UNC13C: variants seen among roughly 807,000 people sequenced by gnomAD.
UNC13C encodes protein unc-13 homolog C.
In UNC13C, 174 loss-of-function variants were observed where a neutral mutation model predicts 245.4. The ratio of observed to expected loss-of-function variants is 0.71; its 90% confidence interval spans 0.63 to 0.80. The LOEUF is 0.80. UNC13C is among the 30% of genes least tolerant of loss of function. The probability of loss-of-function intolerance (pLI) is 0.00; values close to 1 mark genes in which losing one functional copy is unlikely to be tolerated. For synonymous variants in UNC13C, 992 were observed against 895.1 expected, an observed-to-expected ratio of 1.11 and a Z score of -1.93; for missense variants, 2,829 against 2,602.9, an observed-to-expected ratio of 1.09 and a Z score of -1.89.
chr15:54,210,107 A>AATACTC (rs1286625984), intron 4 of UNC13C, among the ~76,000 whole-genome samples: 5 of 151,596 alleles, frequency 3.3e-5, no homozygotes, highest in African/African-American at 1.2e-4. Context: ...AGTTACAAAG[A>AATACTC]ATACTCATGA....
At chr15:54,552,599 A>T (rs1896834951) in intron 28 of UNC13C, among the ~76,000 whole-genome samples, 2 of 68,920 alleles carry the variant, frequency 2.9e-5, no homozygotes, top group African/African-American at 6.6e-5. Flanking sequence ...TACAATATAT[A>T]ATATATAATT....
At chr15:54,093,595 T>C (rs182393914) in intron 2 of UNC13C, among the ~76,000 whole-genome samples, 4 of 152,240 alleles carry the variant, frequency 2.6e-5, no homozygotes, top group African/African-American at 9.6e-5. Flanking sequence ...AATTACCAAA[T>C]GCACGTGGGT....
At chr15:54,171,450 A>G (rs553490009) in intron 4 of UNC13C, among the ~76,000 whole-genome samples, 34 of 152,312 alleles carry the variant, frequency 2.2e-4, no homozygotes, top group African/African-American at 7.7e-4. Flanking sequence ...AAATATCTGA[A>G]TAGACATCTC....
At chr15:54,530,473 C>T (rs771002431) in intron 25 of UNC13C, among the ~76,000 whole-genome samples, 1 of 152,190 alleles carries the variant, frequency 6.6e-6, no homozygotes, top group Non-Finnish European at 1.5e-5. Flanking sequence ...AACAAAATTC[C>T]TGCTCTCATG....
downstream of UNC13C, chr15:54,631,753 C>T (rs997268062): frequency 1.3e-5 from 2 of 152,186 alleles, no homozygotes; most frequent in Admixed American, 6.5e-5. Context: ...CCACTTACTA[C>T]ACTTACCTTG....
At chr15:54,258,761 TATCTC>T (rs1423673151) in intron 8 of UNC13C, among the ~76,000 whole-genome samples, 1 of 152,336 alleles carries the variant, frequency 6.6e-6, no homozygotes, top group Non-Finnish European at 1.5e-5. Flanking sequence ...CTATATGTGT[TATCTC>T]ATTGAATCCT....
chr15:53,940,082 T>C, the UNC13C span, among the ~76,000 whole-genome samples: 13 of 152,132 alleles, frequency 8.5e-5, no homozygotes, highest in African/African-American at 3.1e-4. Context: ...CTGGATGGTT[T>C]GTAATTGGGG....
At chr15:53,972,308 C>A in the UNC13C span, among the ~76,000 whole-genome samples, 1 of 152,182 alleles carries the variant, frequency 6.6e-6, no homozygotes, top group Non-Finnish European at 1.5e-5. Context: ...CCCTTCTGGG[C>A]TCTACAGAAC....
chr15:54,132,595 A>G (rs1267976966), intron 2 of UNC13C, among the ~76,000 whole-genome samples: 2 of 152,172 alleles, frequency 1.3e-5, no homozygotes, highest in African/African-American at 4.8e-5. Flanking sequence ...AGATAAAGTT[A>G]TTTGCAGACT....
the UNC13C span, among the ~76,000 whole-genome samples, chr15:53,867,978 C>T: frequency 5.9e-5 from 9 of 152,042 alleles, no homozygotes; most frequent in African/African-American, 2.2e-4. Flanking sequence ...CCACAGGCAC[C>T]TGCCACCATT....
intron 2 of UNC13C, among the ~76,000 whole-genome samples, chr15:54,129,597 T>C (rs1044841866): frequency 4.6e-5 from 7 of 152,106 alleles, no homozygotes; most frequent in African/African-American, 1.7e-4. Context: ...GAGTAAATTT[T>C]GGTAATTTAT....
At chr15:53,852,044 T>C in the UNC13C span, among the ~76,000 whole-genome samples, 3 of 152,330 alleles carry the variant, frequency 2.0e-5, no homozygotes, top group East Asian at 3.9e-4. Context: ...GAACCCCATC[T>C]TGAAGCTGGT....
intron 30 of UNC13C, chr15:54,609,352 C>T (rs1258849375): frequency 6.6e-6 from 1 of 152,194 alleles, no homozygotes; most frequent in African/African-American, 2.4e-5. Flanking sequence ...CAGTGACTCA[C>T]TCACATGCTC....
At chr15:54,390,991 T>C (rs974028518) in intron 17 of UNC13C, among the ~76,000 whole-genome samples, 6 of 152,166 alleles carry the variant, frequency 3.9e-5, no homozygotes, top group African/African-American at 1.4e-4. Flanking sequence ...ATGTGAAAAA[T>C]AGCATCATCA....
At chr15:54,261,742 C>T (rs945380500) in intron 8 of UNC13C, among the ~76,000 whole-genome samples, 9 of 152,264 alleles carry the variant, frequency 5.9e-5, no homozygotes, top group East Asian at 1.9e-4. Flanking sequence ...GACAGAGTTT[C>T]ACCATGTTAG....
intron 1 of UNC13C, among the ~76,000 whole-genome samples, chr15:54,008,017 A>G (rs1895218871): frequency 6.6e-6 from 1 of 152,230 alleles, no homozygotes; most frequent in African/African-American, 2.4e-5. Context: ...AAAATACTTT[A>G]CTGCATTTAG....
At chr15:53,920,609 T>C in the UNC13C span, among the ~76,000 whole-genome samples, 1 of 152,084 alleles carries the variant, frequency 6.6e-6, no homozygotes, top group Non-Finnish European at 1.5e-5. Context: ...TTGATTATTT[T>C]ATTCTCATAA....
intron 1 of UNC13C, among the ~76,000 whole-genome samples, chr15:53,983,369 A>T (rs10400897): frequency 0.01 from 1,557 of 148,712 alleles, 30 homozygotes; most frequent in African/African-American, 0.037. Context: ...TCGTGGCTGA[A>T]GGGGAAATTT....
intron 18 of UNC13C, 102 bp from the exon 19 acceptor site, chr15:54,414,880 G>T (rs1308381360): frequency 8.3e-6 from 5 of 599,862 alleles, no homozygotes; most frequent in Non-Finnish European, 1.4e-5. Flanking sequence ...AAGTATTTAT[G>T]AACTATGTAA....
Sources: allele counts gnomAD v4.1 joint callset (sites outside exome capture counted in the v4.1 genomes callset), GRCh38; gene constraint gnomAD v4.1.1; transcripts MANE v1.5; gene names NCBI Gene and HGNC (gene_info 2026-07-23, HGNC 2026-07-21).